The following KCNH1 variants were observed in gnomAD, a reference collection of about 807,000 sequenced individuals.
KCNH1 encodes voltage-gated delayed rectifier potassium channel KCNH1.
KCNH1 carries 27 observed loss-of-function variants against 69.2 expected under a neutral mutation model. The observed-to-expected ratio is 0.39, with a 90% CI of 0.29 to 0.54. The LOEUF is 0.54. Among genes scored for constraint, KCNH1 ranks in the 20% least tolerant of loss-of-function variants. KCNH1 has a pLI of 0.68. For synonymous variants in KCNH1, 456 were observed against 487.7 expected, an observed-to-expected ratio of 0.93 and a Z score of 0.86; for missense variants, 798 against 1,261.6, an observed-to-expected ratio of 0.63 and a Z score of 5.57.
intron 6 of KCNH1, among the ~76,000 whole-genome samples, chr1:210,978,876 G>T (rs191592543): frequency 6.6e-6 from 1 of 152,140 alleles, no homozygotes; most frequent in African/African-American, 2.4e-5. Context: ...GCTGTTTTAC[G>T]TCTGCCTAGA....
chr1:210,973,381 T>C (rs1688548201), intron 6 of KCNH1, among the ~76,000 whole-genome samples: 1 of 152,124 alleles, frequency 6.6e-6, no homozygotes, highest in Non-Finnish European at 1.5e-5. Flanking sequence ...AAATTCAAGG[T>C]CAACAAAGAC....
At chr1:210,834,896 C>T (rs1685249021) in intron 7 of KCNH1, among the ~76,000 whole-genome samples, 1 of 152,060 alleles carries the variant, frequency 6.6e-6, no homozygotes. Context: ...TACTCCCCAG[C>T]TTCCAGAGCT....
At chr1:211,045,322 T>C (rs1690079050) in intron 5 of KCNH1, among the ~76,000 whole-genome samples, 1 of 151,812 alleles carries the variant, frequency 6.6e-6, no homozygotes, top group African/African-American at 2.4e-5. Context: ...CAGTGTATAC[T>C]GCTCAGGTGA....
chr1:210,911,484 T>C (rs762752177), intron 7 of KCNH1, among the ~76,000 whole-genome samples: 7 of 152,084 alleles, frequency 4.6e-5, no homozygotes, highest in Non-Finnish European at 8.8e-5. Context: ...TTTGCTTCTA[T>C]GTCTGTTGTC....
intron 7 of KCNH1, among the ~76,000 whole-genome samples, chr1:210,886,778 A>T (rs1686617310): frequency 6.6e-6 from 1 of 152,106 alleles, no homozygotes; most frequent in Non-Finnish European, 1.5e-5. Flanking sequence ...GAATCGATCA[A>T]GCGGAAGAAA....
intron 8 of KCNH1, among the ~76,000 whole-genome samples, chr1:210,801,225 T>A (rs1274736058): frequency 2.6e-5 from 4 of 152,188 alleles, no homozygotes; most frequent in Admixed American, 1.3e-4. Flanking sequence ...ACAAGTGATA[T>A]GCTCAAAGTC....
chr1:210,895,138 A>G (rs1686836231), intron 7 of KCNH1, among the ~76,000 whole-genome samples: 1 of 149,542 alleles, frequency 6.7e-6, no homozygotes, highest in African/African-American at 2.4e-5. Flanking sequence ...ATATTTTGTT[A>G]AGCTTTCTGT....
At chr1:210,943,693 A>G (rs920333552) in intron 6 of KCNH1, among the ~76,000 whole-genome samples, 3 of 152,140 alleles carry the variant, frequency 2.0e-5, no homozygotes, top group Non-Finnish European at 4.4e-5. Flanking sequence ...GCATATAAGC[A>G]CCAAGTGGCA....
At chr1:210,762,046 T>G (rs1225359205) in intron 10 of KCNH1, among the ~76,000 whole-genome samples, 1 of 151,992 alleles carries the variant, frequency 6.6e-6, no homozygotes, top group Non-Finnish European at 1.5e-5. Flanking sequence ...TACAGTGGAA[T>G]AAAAATAGAA....
At chr1:210,876,869 T>G (rs760527988) in intron 7 of KCNH1, among the ~76,000 whole-genome samples, 5 of 152,102 alleles carry the variant, frequency 3.3e-5, no homozygotes, top group Non-Finnish European at 7.3e-5. Flanking sequence ...CATGGTCAAA[T>G]GCAGGCATAA....
chr1:211,031,749 T>A (rs1476600285), intron 5 of KCNH1, among the ~76,000 whole-genome samples: 1 of 152,224 alleles, frequency 6.6e-6, no homozygotes, highest in East Asian at 1.9e-4. Flanking sequence ...TAGCTATTGA[T>A]GGGATGTATC....
At chr1:210,996,818 C>T (rs567302318) in intron 6 of KCNH1, among the ~76,000 whole-genome samples, 15 of 152,282 alleles carry the variant, frequency 9.9e-5, no homozygotes, top group East Asian at 5.8e-4. Flanking sequence ...GCAGCATTTG[C>T]GGTTCACCAA....
chr1:210,820,406 C>G (rs191863342), intron 7 of KCNH1, among the ~76,000 whole-genome samples: 1 of 151,904 alleles, frequency 6.6e-6, no homozygotes. Context: ...GAGGCTGAGG[C>G]GGGTGGATCA....
chr1:210,947,406 A>G (rs550702454), intron 6 of KCNH1, among the ~76,000 whole-genome samples: 1 of 151,972 alleles, frequency 6.6e-6, no homozygotes, highest in East Asian at 1.9e-4. Flanking sequence ...TTTCTCTACT[A>G]AAAATACGAA....
At chr1:210,922,084 A>T (rs114670480) in intron 6 of KCNH1, among the ~76,000 whole-genome samples, 2,618 of 148,500 alleles carry the variant, frequency 0.018, 73 homozygotes, top group African/African-American at 0.061. Context: ...ATTGCCCTTT[A>T]AAAAAAAAAC....
intron 10 of KCNH1, among the ~76,000 whole-genome samples, chr1:210,707,815 C>T (rs746840104): frequency 6.6e-6 from 1 of 152,134 alleles, no homozygotes; most frequent in Non-Finnish European, 1.5e-5. Context: ...GTTCTGGGGA[C>T]AGAACACATA....
intron 6 of KCNH1, among the ~76,000 whole-genome samples, chr1:210,967,991 A>C (rs970629226): frequency 1.3e-5 from 2 of 152,084 alleles, no homozygotes; most frequent in Non-Finnish European, 2.9e-5. Context: ...AGCATTAGAT[A>C]TATCTCCCGA....
intron 7 of KCNH1, among the ~76,000 whole-genome samples, chr1:210,849,315 T>C (rs1044172307): frequency 5.3e-5 from 8 of 151,980 alleles, no homozygotes; most frequent in Non-Finnish European, 7.4e-5. Flanking sequence ...TGTCAAACCA[T>C]GGTTTTAAGC....
intron 10 of KCNH1, among the ~76,000 whole-genome samples, chr1:210,772,116 G>C (rs1683763443): frequency 6.6e-6 from 1 of 152,180 alleles, no homozygotes; most frequent in Non-Finnish European, 1.5e-5. Context: ...GTCACTTCTG[G>C]CTCCAATTCT....
Sources: gnomAD v4.1 joint callset for allele counts (sites outside exome capture counted in the v4.1 genomes callset) on GRCh38, gnomAD v4.1.1 for gene constraint, MANE v1.5 for transcripts, NCBI Gene and HGNC (gene_info 2026-07-23, HGNC 2026-07-21) for gene names.